The following PPP2R5D variants were observed in gnomAD, a reference collection of about 807,000 sequenced individuals.
PPP2R5D encodes the protein protein phosphatase 2 regulatory subunit B'delta.
A neutral mutation model predicts 79.1 loss-of-function variants in PPP2R5D; 12 were observed. That is an observed-to-expected ratio of 0.15 (90% confidence interval 0.10 to 0.25). PPP2R5D has a LOEUF of 0.25. PPP2R5D is among the 10% of genes least tolerant of loss of function. The pLI, the probability that PPP2R5D is intolerant of heterozygous loss-of-function variation, is 1.00. For missense variants in PPP2R5D, 419 were observed against 760.2 expected (o/e 0.55, Z 5.28); for synonymous variants, 277 against 286.6 (o/e 0.97, Z 0.34).
chr6:43,006,493 C>T lies in PPP2R5D; in HGVS notation c.136C>T (p.Pro46Ser). 6.2e-7 allele frequency: 1 copy of T among 1,613,702 alleles called. No individual in the cohort carries two copies. Among genetic ancestry groups the T allele is most frequent in the South Asian group, 1.1e-5 (1 of 91,080 alleles). Residue 46 changes from proline (P) to serine (S), a missense_variant, in exon 3 of 16, where the codon CCC (proline) becomes TCC (serine). Around this residue, in one of 5 missense-constraint regions of PPP2R5D, gnomAD observed 110 missense variants for 147.6 expected, o/e 0.75. Coordinates refer to ENST00000485511, the MANE Select transcript of PPP2R5D (RefSeq NM_006245.4). The surrounding 1 kb of genome is among the most constrained non-coding windows in gnomAD (Gnocchi z 4.7). Reference sequence around the variant, plus strand: ...GCCGCAGCCCCAGCCCCAGCCCCAGCCCCAAGCCCAGTCTCAGCCACCGTC... The same window carrying T: ...GCCGCAGCCCCAGCCCCAGCCCCAGTCCCAAGCCCAGTCTCAGCCACCGTC... The part of the protein sequence containing the change: ...AQPQPQPQPQ[P>S]QAQSQPPSSN...
rs182233541 is a variant in PPP2R5D, at chr6:43,004,506, A to G, written c.106-1957A>G. Among the ~76,000 whole-genome samples the G allele has an allele frequency of 2.7e-5, 4 of 149,430 alleles. No individual in the cohort carries two copies. In the East Asian group the frequency reaches 7.8e-4, roughly 29 times the overall value. On this transcript the variant is annotated intron_variant, in intron 2 of 15. Transcript: ENST00000485511. ...TCATTAGATTCCTTTAGATTTTCAC[A>G]TTAGATTCTTTTCCTACTTTAGATT...
chr6:43,011,173 A>C lies in PPP2R5D; in HGVS notation c.1696A>C (p.Lys566Gln). The C allele has an allele frequency of 6.2e-7, 1 of 1,614,090 alleles. No individual in the cohort carries two copies. Among genetic ancestry groups the C allele is most frequent in the Non-Finnish European group, 8.5e-7 (1 of 1,180,014 alleles). Residue 566 changes from lysine to glutamine, a missense_variant, in exon 16 of 16, where the codon AAA becomes CAA. Around this residue, in one of 5 missense-constraint regions of PPP2R5D, gnomAD observed 84 missense variants for 105.4 expected, o/e 0.80. Transcript: ENST00000485511. ...GATGCTAAAAGACATCAAGAAGGAGAAAGTGCTGCTGCGGAGGAAGTCGGA... is the reference window on the plus strand; with the variant it reads ...GATGCTAAAAGACATCAAGAAGGAGCAAGTGCTGCTGCGGAGGAAGTCGGA... The part of the protein sequence containing the change: ...VQMLKDIKKE[K>Q]VLLRRKSELP...
Position 43,010,404 on chromosome 6 carries a change from T to C in PPP2R5D, c.1380-64T>C. ...AGAGATACCCCTGTGAGAGAACAAATTGGGTTCCTCACGCTAAGGGCAGGC... is the reference window on the plus strand; with the variant it reads ...AGAGATACCCCTGTGAGAGAACAAACTGGGTTCCTCACGCTAAGGGCAGGC... On this transcript the variant is annotated intron_variant, in intron 12 of 15. Coordinates refer to ENST00000485511, the MANE Select transcript of PPP2R5D (RefSeq NM_006245.4). This position sits in a 1 kb window ranked among gnomAD's most constrained non-coding sequence, Gnocchi z 4.7. 2.3e-6 allele frequency: 3 copies of C among 1,332,608 alleles called. No individual in the cohort carries two copies. Among genetic ancestry groups the C allele is most frequent in the Non-Finnish European group, 2.2e-6 (2 of 926,904 alleles). The allele number at this position is 1,332,608 out of a possible 1,614,324, so 82.5% of individuals were successfully genotyped here. A position where few individuals can be genotyped will look rare whatever the true frequency, so the allele number is the denominator to read the frequency against.
chr6:42,984,848 C>A, intron 1 of PPP2R5D, 144 bp downstream of exon 1: 1 of 1,304,312 alleles, frequency 7.7e-7, no homozygotes. Context: ...TCCGCCCCCG[C>A]GGCTGGCAGC....
At chr6:42,991,118 G>A (rs1326363987) in intron 2 of PPP2R5D, among the ~76,000 whole-genome samples, 1 of 152,168 alleles carries the variant, frequency 6.6e-6, no homozygotes, top group Non-Finnish European at 1.5e-5. Context: ...CCAAGGGAAG[G>A]AGCTATGTTA....
chr6:42,985,057 G>A (rs984713902), intron 1 of PPP2R5D, among the ~76,000 whole-genome samples: 1 of 150,776 alleles, frequency 6.6e-6, no homozygotes, highest in East Asian at 2.0e-4. Context: ...TCCCCCTTCG[G>A]TTTGGGCAGC....
chr6:42,998,050 TATATATA>T (rs1485929589), intron 2 of PPP2R5D, among the ~76,000 whole-genome samples: 12 of 27,282 alleles, frequency 4.4e-4, no homozygotes, highest in East Asian at 9.0e-4. Flanking sequence ...TATATATATA[TATATATA>T]TTTTTTTTTT....
At position 43,006,810 on chromosome 6, in the gene PPP2R5D, C is replaced by G. The variant is rs1762109468; in HGVS notation, c.323-101C>G. 1.3e-6 allele frequency: 2 copies of G among 1,571,712 alleles called. No individual in the cohort carries two copies. The highest frequency in any genetic ancestry group is 3.4e-5 in the Admixed American group (2 of 59,134). On this transcript the variant is annotated intron_variant, in intron 3 of 15. Transcript: ENST00000485511. This position sits in a 1 kb window ranked among gnomAD's most constrained non-coding sequence, Gnocchi z 4.7. ...AATGCGGGAAGGGGGTGCCAGGGAGCAGGATGGTGGCAGGGTGGGGTAAGG... is the reference window on the plus strand; with the variant it reads ...AATGCGGGAAGGGGGTGCCAGGGAGGAGGATGGTGGCAGGGTGGGGTAAGG...
chr6:42,993,041 A>G (rs1217371223), intron 2 of PPP2R5D, among the ~76,000 whole-genome samples: 5 of 152,146 alleles, frequency 3.3e-5, no homozygotes, highest in African/African-American at 4.8e-5. Flanking sequence ...TCACACCTGT[A>G]ATCCCAGCAC....
Position 43,010,870 on chromosome 6 carries a change from T to G in PPP2R5D, c.1555-11T>G. The G allele has an allele frequency of 6.2e-7, 1 of 1,610,428 alleles. No individual in the cohort carries two copies. The highest frequency in any genetic ancestry group is 8.5e-7 in the Non-Finnish European group (1 of 1,177,238). ...GTGGCTCTTAACGCTTGTCCATGTC[T>G]CCTCACTCAGTATCCCATGTTCCGA... On this transcript the variant is annotated splice_polypyrimidine_tract_variant and intron_variant, in intron 14 of 15. Transcript: ENST00000485511. The surrounding 1 kb of genome is among the most constrained non-coding windows in gnomAD (Gnocchi z 4.7).
At chr6:42,992,918 T>C (rs1363485310) in intron 2 of PPP2R5D, among the ~76,000 whole-genome samples, 6 of 151,902 alleles carry the variant, frequency 3.9e-5, no homozygotes, top group Middle Eastern at 3.2e-3. Flanking sequence ...CCCAGCACTT[T>C]GGGAGGCTGA....
Position 43,006,983 on chromosome 6 carries a change from T to C in PPP2R5D, c.395T>C (p.Val132Ala). ...LRQCCVLFDF[V>A]SDPLSDLKFK... ...CAGTGCTGTGTCCTCTTTGACTTCG[T>C]GTCAGACCCACTCAGTGACCTCAAA... The change falls in exon 4 of 16, where the codon GTG becomes GCG. Residue 132 changes from valine (V) to alanine (A), a missense_variant. Physicochemically the swap from Val to Ala is moderately conservative, Grantham distance 64. This residue lies in a region of PPP2R5D where 29 missense variants were observed against 64.2 expected (regional missense o/e 0.45). Transcript: ENST00000485511. This position sits in a 1 kb window ranked among gnomAD's most constrained non-coding sequence, Gnocchi z 4.7. The C allele has an allele frequency of 6.2e-7, 1 of 1,614,160 alleles. No homozygotes were observed. Among genetic ancestry groups the C allele is most frequent in the Non-Finnish European group, 8.5e-7 (1 of 1,180,030 alleles).
chr6:43,006,746 G>A lies in PPP2R5D; in HGVS notation c.322+67G>A. 6.3e-7 allele frequency: 1 copy of A among 1,587,302 alleles called. No individual in the cohort carries two copies. The highest frequency in any genetic ancestry group is 8.6e-7 in the Non-Finnish European group (1 of 1,164,330). ...GTGGGCATCGGGAGTTGGTGGAATG[G>A]AAGTTTTGGGGTATTTTGCGGGGAA... is the stretch of plus-strand genomic sequence containing the variant. On this transcript the variant is annotated intron_variant, in intron 3 of 15. Coordinates refer to ENST00000485511, the MANE Select transcript of PPP2R5D (RefSeq NM_006245.4). This position sits in a 1 kb window ranked among gnomAD's most constrained non-coding sequence, Gnocchi z 4.7.
At chr6:42,992,779 A>G (rs144719493) in intron 2 of PPP2R5D, among the ~76,000 whole-genome samples, 1,714 of 152,220 alleles carry the variant, frequency 0.011, 35 homozygotes, top group African/African-American at 0.039. Context: ...CCATGATCGT[A>G]CCACTGCACT....
chr6:43,011,125 C>T (rs372073345), intron 15 of PPP2R5D, 24 bp from the exon 16 acceptor site: 42 of 1,613,942 alleles, frequency 2.6e-5, no homozygotes, highest in Non-Finnish European at 3.1e-5. Flanking sequence ...CACCATTCCT[C>T]ACCTTGTCCC....
At position 43,007,170 on chromosome 6, in the gene PPP2R5D, G is replaced by T; in HGVS notation, c.523-26G>T. ...GAGGGGCTCTGGAGAAGCCCAGGTG[G>T]AGCTCTAACTGGCCCTACCCCTCAG... On this transcript the variant is annotated intron_variant, in intron 4 of 15. Transcript: ENST00000485511. The surrounding 1 kb of genome is among the most constrained non-coding windows in gnomAD (Gnocchi z 4.5). 1.9e-6 allele frequency: 3 copies of T among 1,614,058 alleles called. No individual in the cohort carries two copies. The highest frequency in any genetic ancestry group is 3.3e-5 in the Admixed American group (2 of 60,016).
chr6:43,008,081 C>T lies in PPP2R5D; in HGVS notation c.857+16C>T. 1.9e-6 allele frequency: 3 copies of T among 1,614,100 alleles called. No homozygotes were observed. Among genetic ancestry groups the T allele is most frequent in the Non-Finnish European group, 2.5e-6 (3 of 1,179,952 alleles). ...TCTTCTACAGGTGAGGCCAGGAGCCCAGGCTTAGGAGCAAAACCTTCTGCT... is the reference window on the plus strand; with the variant it reads ...TCTTCTACAGGTGAGGCCAGGAGCCTAGGCTTAGGAGCAAAACCTTCTGCT... On this transcript the variant is annotated intron_variant, in intron 7 of 15. Transcript: ENST00000485511. This position sits in a 1 kb window ranked among gnomAD's most constrained non-coding sequence, Gnocchi z 4.2.
chr6:43,008,566 G>A lies in PPP2R5D; in HGVS notation c.1026+91G>A, dbSNP rs569407324. 19 of 1,466,960 alleles carry A rather than the reference G, an allele frequency of 1.3e-5. No individual in the cohort carries two copies. The South Asian group carries it at 2.1e-4, about 16-fold the overall frequency. 90.9% of individuals were successfully genotyped at this position (1,466,960 alleles called of 1,614,324 possible). A position where few individuals can be genotyped will look rare whatever the true frequency, so the allele number is the denominator to read the frequency against. On this transcript the variant is annotated intron_variant, in intron 9 of 15. Coordinates refer to ENST00000485511, the MANE Select transcript of PPP2R5D (RefSeq NM_006245.4). This position sits in a 1 kb window ranked among gnomAD's most constrained non-coding sequence, Gnocchi z 4.2. ...TTCCAGCTGGGATAGGGGAAGCATAGGGAGCAGGTGGGATAATTCCTTCCC... is the reference window on the plus strand; with the variant it reads ...TTCCAGCTGGGATAGGGGAAGCATAAGGAGCAGGTGGGATAATTCCTTCCC...
chr6:43,011,613 G>A lies in PPP2R5D; in HGVS notation c.*327G>A, dbSNP rs1484083081. 8.2e-6 allele frequency: 3 copies of A among 365,124 alleles called. No individual in the cohort carries two copies. The highest frequency in any genetic ancestry group is 2.1e-5 in the African/African-American group (1 of 48,286). The allele number at this position is 365,124 out of a possible 1,614,324, so 22.6% of individuals were successfully genotyped here. On this transcript the variant is annotated 3_prime_UTR_variant, in exon 16 of 16. Coordinates refer to ENST00000485511, the MANE Select transcript of PPP2R5D (RefSeq NM_006245.4). Reference sequence around the variant, plus strand: ...GAGAAGTACACACAGGAATACATACGCTCCTCTATTCTTCCCTTCATCCTC... The same window carrying A: ...GAGAAGTACACACAGGAATACATACACTCCTCTATTCTTCCCTTCATCCTC...
Sources: gnomAD v4.1 joint callset for allele counts (sites outside exome capture counted in the v4.1 genomes callset) on GRCh38, gnomAD v4.1.1 for gene constraint, gnomAD v4.1.1 regional missense constraint, Gnocchi (gnomAD v3.1) non-coding constraint, MANE v1.5 for transcripts, NCBI Gene and HGNC (gene_info 2026-07-23, HGNC 2026-07-21) for gene names.